FGF1: variants seen among roughly 807,000 people sequenced by gnomAD.
FGF1 encodes the protein fibroblast growth factor 1.
FGF1 carries 9 observed loss-of-function variants against 13.4 expected under a neutral mutation model. That is an observed-to-expected ratio of 0.67 (90% CI 0.40 to 1.17). The LOEUF (loss-of-function observed/expected upper bound fraction) is 1.17, where lower values mean the gene tolerates loss of function less well. FGF1 is among the 50% of genes most tolerant of loss of function. The pLI, the probability that FGF1 is intolerant of heterozygous loss-of-function variation, is 0.01. For synonymous variants in FGF1, 93 were observed against 79.0 expected, an observed-to-expected ratio of 1.18 and a Z score of -0.94; for missense variants, 156 against 192.7, an observed-to-expected ratio of 0.81 and a Z score of 1.13.
chr5:142,599,938 T>A (rs1249518615), intron 3 of FGF1, among the ~76,000 whole-genome samples: 1 of 152,256 alleles, frequency 6.6e-6, no homozygotes, highest in Admixed American at 6.5e-5. Context: ...AAGCTTTCTA[T>A]CCTTTTAGGT....
intron 2 of FGF1, among the ~76,000 whole-genome samples, chr5:142,697,100 T>C (rs1452350756): frequency 1.3e-5 from 2 of 152,186 alleles, no homozygotes; most frequent in African/African-American, 4.8e-5. Flanking sequence ...AAGGAACTCT[T>C]GAATCTGTTA....
At chr5:142,679,991 A>T (rs1773410819) in intron 1 of FGF1, 1 of 152,238 alleles carries the variant, frequency 6.6e-6, no homozygotes, top group African/African-American at 2.4e-5. Context: ...GCTATGAAAG[A>T]AGGACTTGTT....
At chr5:142,608,542 C>CA (rs1758237684) in intron 2 of FGF1, among the ~76,000 whole-genome samples, 43 of 76,024 alleles carry the variant, frequency 5.7e-4, no homozygotes, top group African/African-American at 1.7e-3. Flanking sequence ...ATATACACAT[C>CA]TATATATATA....
intron 2 of FGF1, among the ~76,000 whole-genome samples, chr5:142,603,458 C>T (rs1309459991): frequency 2.0e-5 from 3 of 152,106 alleles, no homozygotes; most frequent in Non-Finnish European, 2.9e-5. Context: ...CTTAGTACAA[C>T]ATGCAATGAT....
At chr5:142,672,390 C>T (rs1446140526) in intron 1 of FGF1, among the ~76,000 whole-genome samples, 1 of 152,010 alleles carries the variant, frequency 6.6e-6, no homozygotes, top group Non-Finnish European at 1.5e-5. Context: ...AAGTACCAGG[C>T]ACTGTATATT....
intron 1 of FGF1, among the ~76,000 whole-genome samples, chr5:142,645,025 G>C (rs1765778844): frequency 6.6e-6 from 1 of 152,200 alleles, no homozygotes; most frequent in South Asian, 2.1e-4. Context: ...GCAGCATCCT[G>C]AGTGGGAGGG....
chr5:142,603,204 C>T (rs546316006), intron 2 of FGF1, among the ~76,000 whole-genome samples: 1 of 152,188 alleles, frequency 6.6e-6, no homozygotes, highest in Non-Finnish European at 1.5e-5. Context: ...TATTAAACTT[C>T]AAACTTTCCC....
intron 2 of FGF1, among the ~76,000 whole-genome samples, chr5:142,693,821 G>A (rs751197720): frequency 2.6e-5 from 4 of 152,068 alleles, no homozygotes; most frequent in Non-Finnish European, 4.4e-5. Flanking sequence ...TGTCCTCAAG[G>A]TTCTTCTGTA....
intron 2 of FGF1, among the ~76,000 whole-genome samples, chr5:142,696,693 C>T (rs1018863398): frequency 2.0e-5 from 3 of 152,156 alleles, no homozygotes; most frequent in East Asian, 3.9e-4. Flanking sequence ...TCTCATGATA[C>T]CAAAACCTTG....
chr5:142,687,114 AGT>A (rs150596132), upstream of FGF1, among the ~76,000 whole-genome samples: 98 of 149,832 alleles, frequency 6.5e-4, no homozygotes, highest in African/African-American at 1.1e-3. Context: ...AGAAGGCATG[AGT>A]GTGTGTGTGT....
chr5:142,668,052 C>A (rs1436281595), intron 1 of FGF1, among the ~76,000 whole-genome samples: 1 of 152,208 alleles, frequency 6.6e-6, no homozygotes, highest in Non-Finnish European at 1.5e-5. Flanking sequence ...AGGGCCTGGG[C>A]TCCACGCCAC....
At chr5:142,641,176 G>A (rs1030933772) in intron 1 of FGF1, among the ~76,000 whole-genome samples, 6 of 152,112 alleles carry the variant, frequency 3.9e-5, no homozygotes, top group African/African-American at 1.4e-4. Context: ...GAAGTTGTGA[G>A]GGCCACAAAA....
chr5:142,648,677 T>TC (rs1441869753), intron 1 of FGF1, among the ~76,000 whole-genome samples: 1 of 49,254 alleles, frequency 2.0e-5, no homozygotes, highest in Non-Finnish European at 3.9e-5. Flanking sequence ...AAGTGATTTG[T>TC]CCCCCACCAA....
At chr5:142,617,848 A>G (rs1760585582) in intron 1 of FGF1, among the ~76,000 whole-genome samples, 1 of 152,228 alleles carries the variant, frequency 6.6e-6, no homozygotes, top group Non-Finnish European at 1.5e-5. Context: ...TAGTTGGTCC[A>G]AAGTTCCTTG....
chr5:142,641,770 G>C (rs193222034), intron 1 of FGF1, among the ~76,000 whole-genome samples: 174 of 151,768 alleles, frequency 1.1e-3, no homozygotes, highest in African/African-American at 3.9e-3. Flanking sequence ...GGTATTTTAG[G>C]CATCCGAATA....
intron 3 of FGF1, among the ~76,000 whole-genome samples, chr5:142,599,073 C>T (rs1019878487): frequency 7.9e-5 from 12 of 152,172 alleles, no homozygotes; most frequent in African/African-American, 1.4e-4. Flanking sequence ...AACCCATGTA[C>T]GCTCTGTGTG....
chr5:142,618,585 G>T (rs1170231319), intron 1 of FGF1, among the ~76,000 whole-genome samples: 1 of 152,090 alleles, frequency 6.6e-6, no homozygotes, highest in Non-Finnish European at 1.5e-5. Flanking sequence ...TTTTTTAATT[G>T]GTTTGAAAAT....
At position 142,598,293 on chromosome 5, in the gene FGF1, A is replaced by G. The variant is rs12655147; in HGVS notation, c.273+2409T>C. Among the ~76,000 whole-genome samples the G allele has an allele frequency of 2.8e-3, 422 of 152,340 alleles. 17 individuals are homozygous for G. In the East Asian group the frequency reaches 0.069, roughly 25 times the overall value. On this transcript the variant is annotated intron_variant, in intron 3 of 3. Transcript: ENST00000337706. Reference sequence around the variant, plus strand: ...CTGGAGGAGTTGACACACACAAAATAGCTGAGTCACAGGCTGAGTCAGCAG... The same window carrying G: ...CTGGAGGAGTTGACACACACAAAATGGCTGAGTCACAGGCTGAGTCAGCAG...
Position 142,618,921 on chromosome 5 carries a change from G to GTT in FGF1, c.-34-4762_-34-4761dup, listed in dbSNP as rs1343286807. Among the ~76,000 whole-genome samples the GTT allele has an allele frequency of 2.0e-3, 221 of 108,310 alleles. 5 individuals carry two copies. The highest frequency in any genetic ancestry group is 0.012 in the East Asian group (31 of 2,654). 71.1% of individuals were successfully genotyped at this position (108,310 alleles called of 152,430 possible). A position where few individuals can be genotyped will look rare whatever the true frequency, so the allele number is the denominator to read the frequency against. ...GGCAAACACTGACATTTATTTTTTA[G>GTT]TTGTTTTGTTTTTTTTTTTTTTTTT... On this transcript the variant is annotated intron_variant, in intron 1 of 3. Coordinates refer to ENST00000337706, the MANE Select transcript of FGF1 (RefSeq NM_000800.5).
Sources: allele counts gnomAD v4.1 joint callset (sites outside exome capture counted in the v4.1 genomes callset), GRCh38; gene constraint gnomAD v4.1.1; transcripts MANE v1.5; gene names NCBI Gene and HGNC (gene_info 2026-07-23, HGNC 2026-07-21).